TRPM4: variants seen among roughly 807,000 people sequenced by gnomAD.
The protein encoded by TRPM4 is calcium-activated non-selective cation channel 1.
In TRPM4, 124 loss-of-function variants were observed where a neutral mutation model predicts 135.6. That is an observed-to-expected ratio of 0.91 (90% confidence interval 0.79 to 1.06). The LOEUF (loss-of-function observed/expected upper bound fraction) is 1.06. Ranked by LOEUF, TRPM4 falls within the 50% of genes least tolerant of loss-of-function variation. The probability of loss-of-function intolerance (pLI) is 0.00; values close to 1 mark genes in which losing one functional copy is unlikely to be tolerated. For synonymous variants in TRPM4, 745 were observed against 705.6 expected, an observed-to-expected ratio of 1.06 and a Z score of -0.88; for missense variants, 1,658 against 1,671.4, an observed-to-expected ratio of 0.99 and a Z score of 0.14.
At chr19:49,164,196 C>T (rs1967072014) in intron 2 of TRPM4, among the ~76,000 whole-genome samples, 1 of 144,256 alleles carries the variant, frequency 6.9e-6, no homozygotes, top group East Asian at 2.0e-4. Flanking sequence ...TTTTCTCCTT[C>T]TTTCTTCCTT....
intron 10 of TRPM4, among the ~76,000 whole-genome samples, chr19:49,181,777 C>G (rs1194099288): frequency 1.3e-5 from 2 of 151,974 alleles, no homozygotes; most frequent in African/African-American, 2.4e-5. Flanking sequence ...TGTGATCCGC[C>G]CGCCTCAGGC....
At chr19:49,181,632 C>T (rs1192276896) in intron 10 of TRPM4, among the ~76,000 whole-genome samples, 171 bp downstream of exon 10, 7 of 150,038 alleles carry the variant, frequency 4.7e-5, no homozygotes, top group Non-Finnish European at 1.0e-4. Context: ...CCTGGGTTCA[C>T]GCCATTCTCC....
intron 16 of TRPM4, among the ~76,000 whole-genome samples, chr19:49,193,883 TGTCATCCTCCTTCTCCTCCTCCTC>T (rs1568481862): frequency 2.0e-5 from 3 of 149,564 alleles, no homozygotes; most frequent in South Asian, 2.1e-4. Context: ...TCCTCCTCCT[TGTCATCCTCCTTCTCCTCCTCCTC>T]GTCATCCTCC....
At chr19:49,176,546 A>T (rs1033214274) in intron 9 of TRPM4, among the ~76,000 whole-genome samples, 1 of 152,156 alleles carries the variant, frequency 6.6e-6, no homozygotes, top group Non-Finnish European at 1.5e-5. Context: ...TTGGAATCAG[A>T]CAAAACTGAA....
At chr19:49,200,473 A>G (rs1008935895) in intron 18 of TRPM4, 41 bp downstream of exon 18, 6 of 1,606,040 alleles carry the variant, frequency 3.7e-6, no homozygotes, top group African/African-American at 2.7e-5. Context: ...GGACATAGGG[A>G]AAGGGGTGGG....
In TRPM4 at chr19:49,200,347, A is replaced by G. The variant is rs1211392497; in HGVS notation, c.2693A>G (p.Asp898Gly). The G allele has an allele frequency of 6.2e-7, 1 of 1,613,684 alleles. No individual in the cohort carries two copies. Among genetic ancestry groups the G allele is most frequent in the East Asian group, 2.2e-5 (1 of 44,852 alleles). ...YHLGRTVLCIDFMVFTVRLLH... is the reference protein window; with the variant it reads ...YHLGRTVLCIGFMVFTVRLLH... ...CTGGGCCGCACTGTCCTCTGCATCGACTTCATGGTTTTCACGGTGCGGCTG... is the reference window on the plus strand; with the variant it reads ...CTGGGCCGCACTGTCCTCTGCATCGGCTTCATGGTTTTCACGGTGCGGCTG... Residue 898 changes from aspartate to glycine, a missense_variant, in exon 18 of 25, where the codon GAC becomes GGC. Coordinates refer to ENST00000252826, the MANE Select transcript of TRPM4 (RefSeq NM_017636.4).
At chr19:49,197,154 C>G (rs569987996) in intron 17 of TRPM4, among the ~76,000 whole-genome samples, 1 of 152,244 alleles carries the variant, frequency 6.6e-6, no homozygotes, top group South Asian at 2.1e-4. Context: ...TGAAGTTTAA[C>G]AGATATTTAT....
chr19:49,162,127 G>A (rs573125589), intron 2 of TRPM4, among the ~76,000 whole-genome samples: 4 of 152,324 alleles, frequency 2.6e-5, no homozygotes, highest in South Asian at 2.1e-4. Flanking sequence ...GCCAAGGAGA[G>A]GGTTTCCAGA....
rs1969314895 is a variant in TRPM4, at chr19:49,210,505, T to C, written c.3328+100T>C. 9.4e-6 allele frequency: 14 copies of C among 1,491,870 alleles called. No homozygotes were observed. Among genetic ancestry groups the C allele is most frequent in the Non-Finnish European group, 1.3e-5 (14 of 1,092,210 alleles). The allele number at this position is 1,491,870 out of a possible 1,614,324, so 92.4% of individuals were successfully genotyped here. A position where few individuals can be genotyped will look rare whatever the true frequency, so the allele number is the denominator to read the frequency against. The stretch of plus-strand genomic sequence containing the variant: ...GCCCCAAATGACTAACGGGCGTGGC[T>C]TAGGTAGCGAGGGGCGGGGTTTAAG... On this transcript the variant is annotated intron_variant, in intron 21 of 24. Coordinates refer to ENST00000252826, the MANE Select transcript of TRPM4 (RefSeq NM_017636.4). The surrounding 1 kb of genome is among the most constrained non-coding windows in gnomAD (Gnocchi z 4.1).
At chr19:49,181,780 C>T (rs983767536) in intron 10 of TRPM4, among the ~76,000 whole-genome samples, 5 of 152,028 alleles carry the variant, frequency 3.3e-5, no homozygotes, top group Admixed American at 6.6e-5. Flanking sequence ...GATCCGCCCG[C>T]CTCAGGCTCC....
intron 16 of TRPM4, among the ~76,000 whole-genome samples, chr19:49,193,998 C>T (rs531285297): frequency 1.3e-5 from 2 of 151,068 alleles, no homozygotes; most frequent in African/African-American, 2.4e-5. Flanking sequence ...TCTCCTCATC[C>T]TCTTTCTCTT....
chr19:49,185,128 T>C (rs1968152243), intron 12 of TRPM4, among the ~76,000 whole-genome samples: 1 of 152,184 alleles, frequency 6.6e-6, no homozygotes, highest in South Asian at 2.1e-4. Context: ...AGACAATTTA[T>C]TTAAAGCCTT....
chr19:49,190,828 CAT>C, intron 16 of TRPM4, 55 bp downstream of exon 16: 2 of 1,523,984 alleles, frequency 1.3e-6, no homozygotes, highest in Non-Finnish European at 1.8e-6. Context: ...CAGTTCAGGA[CAT>C]GTGCCAGTTC....
At chr19:49,168,491 G>C in intron 5 of TRPM4, 62 bp from the exon 6 acceptor site, 2 of 1,613,660 alleles carry the variant, frequency 1.2e-6, no homozygotes, top group South Asian at 2.2e-5. Flanking sequence ...AGGAGGAGGG[G>C]CTCGTGTTTG....
chr19:49,171,859 C>T lies in TRPM4; in HGVS notation c.1050+90C>T. On this transcript the variant is annotated intron_variant, in intron 8 of 24. Coordinates refer to ENST00000252826, the MANE Select transcript of TRPM4 (RefSeq NM_017636.4). The surrounding 1 kb of genome is among the most constrained non-coding windows in gnomAD (Gnocchi z 4.7). Reference sequence around the variant, plus strand: ...GGTCTGAGGGAGGAGGGGCTGGGGGCCTGGACTTCCAGGTTCCGGGAGAAG... The same window carrying T: ...GGTCTGAGGGAGGAGGGGCTGGGGGTCTGGACTTCCAGGTTCCGGGAGAAG... 1 of 1,468,166 alleles carries T rather than the reference C, an allele frequency of 6.8e-7. No individual in the cohort carries two copies. The highest frequency in any genetic ancestry group is 9.4e-7 in the Non-Finnish European group (1 of 1,062,420). The allele number at this position is 1,468,166 out of a possible 1,614,324, so 90.9% of individuals were successfully genotyped here. A position where few individuals can be genotyped will look rare whatever the true frequency, so the allele number is the denominator to read the frequency against.
Position 49,200,759 on chromosome 19 carries a change from G to A in TRPM4, c.2927G>A (p.Gly976Glu). ...VFYRPYLQIF[G>E]QIPQEDMDVA... ...TACCGTCCCTACCTGCAGATCTTCGGGCAGATTCCCCAGGAGGACATGGAC... is the reference window on the plus strand; with the variant it reads ...TACCGTCCCTACCTGCAGATCTTCGAGCAGATTCCCCAGGAGGACATGGAC... The change falls in exon 19 of 25, where the codon GGG becomes GAG. Residue 976 changes from glycine (G) to glutamate (E), a missense_variant. This residue lies in a region of TRPM4 where 1,412 missense variants were observed against 1,408.7 expected (regional missense o/e 1.00). Transcript: ENST00000252826. 1.2e-6 allele frequency: 2 copies of A among 1,614,044 alleles called. No individual in the cohort carries two copies. Among genetic ancestry groups the A allele is most frequent in the South Asian group, 1.1e-5 (1 of 91,076 alleles).
At chr19:49,165,879 C>G (rs1967151134) in intron 2 of TRPM4, among the ~76,000 whole-genome samples, 162 bp from the exon 3 acceptor site, 2 of 152,192 alleles carry the variant, frequency 1.3e-5, no homozygotes, top group Admixed American at 6.5e-5. Flanking sequence ...CAGTCTCTCC[C>G]CGAGGCCGTC....
chr19:49,175,992 C>T (rs930171737), intron 9 of TRPM4, among the ~76,000 whole-genome samples: 47 of 142,474 alleles, frequency 3.3e-4, no homozygotes, highest in African/African-American at 1.1e-3. Flanking sequence ...GGCGCCATCT[C>T]AGCTCACTGC....
At position 49,171,372 on chromosome 19, in the gene TRPM4, T is replaced by A. The variant is rs750086956; in HGVS notation, c.812T>A (p.Ile271Asn). ...KTGVGGTGID[I>N]PVLLLLIDGD... ...CTTGCCTCAGGGACTGGAATTGACA[T>A]CCCTGTCCTGCTCCTCCTGATTGAT... The change falls in exon 7 of 25, where the codon ATC becomes AAC. Residue 271 changes from isoleucine to asparagine, a missense_variant. Physicochemically the swap from Ile to Asn is moderately radical, Grantham distance 149. Transcript: ENST00000252826. The surrounding 1 kb of genome is among the most constrained non-coding windows in gnomAD (Gnocchi z 4.7). The A allele has an allele frequency of 6.2e-7, 1 of 1,613,986 alleles. No homozygotes were observed. Among genetic ancestry groups the A allele is most frequent in the Non-Finnish European group, 8.5e-7 (1 of 1,180,016 alleles).
Sources: allele counts gnomAD v4.1 joint callset (sites outside exome capture counted in the v4.1 genomes callset), GRCh38; gene constraint gnomAD v4.1.1; regional missense constraint gnomAD v4.1.1; non-coding constraint Gnocchi (gnomAD v3.1); transcripts MANE v1.5; gene names NCBI Gene and HGNC (gene_info 2026-07-23, HGNC 2026-07-21).